CAPN13: variants seen among roughly 807,000 people sequenced by gnomAD.
CAPN13 encodes the protein calpain-13.
CAPN13 carries 90 observed loss-of-function variants against 98.4 expected under a neutral mutation model. The observed-to-expected ratio is 0.92, with a 90% CI of 0.77 to 1.09. The LOEUF (loss-of-function observed/expected upper bound fraction) is 1.09. Ranked by LOEUF, CAPN13 falls within the 50% of genes least tolerant of loss-of-function variation. CAPN13 has a pLI of 0.00. For missense variants in CAPN13, 887 were observed against 841.3 expected (o/e 1.05, Z -0.67); for synonymous variants, 330 against 305.5 (o/e 1.08, Z -0.84).
At chr2:30,742,165 C>T (rs954626848) in intron 14 of CAPN13, among the ~76,000 whole-genome samples, 161 bp downstream of exon 14, 21 of 152,334 alleles carry the variant, frequency 1.4e-4, no homozygotes, top group African/African-American at 5.1e-4. Flanking sequence ...GAGGCCTGGT[C>T]TTCTCCCCCT....
intron 1 of CAPN13, among the ~76,000 whole-genome samples, chr2:30,800,116 A>AGAAAG (rs1675124908): frequency 1.2e-5 from 1 of 85,596 alleles, no homozygotes; most frequent in Non-Finnish European, 2.3e-5. Context: ...GAAAAGAAAG[A>AGAAAG]AAAGAAAGAA....
At chr2:30,760,827 C>T (rs910835801) in intron 7 of CAPN13, among the ~76,000 whole-genome samples, 6 of 152,178 alleles carry the variant, frequency 3.9e-5, no homozygotes, top group Admixed American at 6.5e-5. Context: ...CATGGCTACA[C>T]CTGAGAATGG....
chr2:30,749,166 G>A lies in CAPN13; in HGVS notation c.1236+1937C>T, dbSNP rs191220572. The stretch of plus-strand genomic sequence containing the variant: ...CTTGTACTTCTGAAGTACAGGTTGA[G>A]CATCCTTAACCTGAATATCTGAAAT... On this transcript the variant is annotated intron_variant, in intron 11 of 22. Transcript: ENST00000295055. Among the ~76,000 whole-genome samples, 596 of 152,278 alleles carry A rather than the reference G, an allele frequency of 3.9e-3. 4 individuals are homozygous for A. Among genetic ancestry groups the A allele is most frequent in the African/African-American group, 0.014 (575 of 41,538 alleles).
intron 22 of CAPN13, among the ~76,000 whole-genome samples, chr2:30,728,606 T>C (rs958810619): frequency 9.2e-5 from 14 of 151,924 alleles, no homozygotes; most frequent in African/African-American, 2.7e-4. Flanking sequence ...GAGGGACAAG[T>C]TGTGGTTAGA....
chr2:30,746,972 A>G (rs1157975440), intron 11 of CAPN13, among the ~76,000 whole-genome samples: 1 of 152,212 alleles, frequency 6.6e-6, no homozygotes, highest in East Asian at 1.9e-4. Flanking sequence ...CCTGGCGCAA[A>G]TGTAAGCTCC....
intron 22 of CAPN13, 72 bp downstream of exon 22, chr2:30,730,658 T>C: frequency 1.3e-6 from 1 of 756,644 alleles, no homozygotes; most frequent in Non-Finnish European, 2.5e-6. Flanking sequence ...GAGAGTCTTA[T>C]GTGCAGTTCT....
chr2:30,775,879 G>A, intron 4 of CAPN13, 51 bp downstream of exon 4: 1 of 1,364,726 alleles, frequency 7.3e-7, no homozygotes, highest in Admixed American at 2.0e-5. Flanking sequence ...CACCTTCCCT[G>A]TACTCACAGA....
chr2:30,799,195 T>C lies in CAPN13; in HGVS notation c.-33+8107A>G, dbSNP rs575010017. Among the ~76,000 whole-genome samples, 29 of 145,506 alleles carry C rather than the reference T, an allele frequency of 2.0e-4. 1 individual carries two copies. The South Asian group carries it at 6.4e-3, about 32-fold the overall frequency. On this transcript the variant is annotated intron_variant, in intron 1 of 22. Transcript: ENST00000295055. Reference sequence around the variant, plus strand: ...AAAAGGAAGGAGGAGGAAGAGAGAGTGGGTGGGAGAGAGAGGGAAGAAGAC... The same window carrying C: ...AAAAGGAAGGAGGAGGAAGAGAGAGCGGGTGGGAGAGAGAGGGAAGAAGAC...
chr2:30,770,371 G>C lies in CAPN13; in HGVS notation c.466C>G (p.Arg156Gly). The change falls in exon 5 of 23, where the codon CGT becomes GGT. Residue 156 changes from arginine to glycine, a missense_variant. Physicochemically the swap from Arg to Gly is moderately radical, Grantham distance 125. Coordinates refer to ENST00000295055, the MANE Select transcript of CAPN13 (RefSeq NM_144575.3). ...AACTCTTGGTTTTGGTGGCGAGGAC[G>C]CACAAAGAGGCATTTATCTCCCTGG... Reference protein sequence around the residue: ...PVQGDKCLFVRPRHQNQEFWP... With the variant: ...PVQGDKCLFVGPRHQNQEFWP... 1 of 1,613,974 alleles carries C rather than the reference G, an allele frequency of 6.2e-7. No individual in the cohort carries two copies. Among genetic ancestry groups the C allele is most frequent in the Non-Finnish European group, 8.5e-7 (1 of 1,179,878 alleles).
intron 17 of CAPN13, among the ~76,000 whole-genome samples, chr2:30,736,989 C>A (rs1671399904): frequency 6.6e-6 from 1 of 152,120 alleles, no homozygotes; most frequent in African/African-American, 2.4e-5. Flanking sequence ...ATCTCGTGGG[C>A]ATGTTAAAGC....
In CAPN13 at chr2:30,777,630, CT is replaced by C. The variant is rs770346336; in HGVS notation, c.207del (p.Gly71ValfsTer10). The C allele has an allele frequency of 8.3e-6, 13 of 1,573,334 alleles. No individual in the cohort carries two copies. The highest frequency in any genetic ancestry group is 7.4e-5 in the Admixed American group (4 of 54,170). ...TCCAGGATGAAGTGAGGAGGACCCC[CT>C]GGTAGATCCTTTAGGAAAGAGGGAG... ...NVIWKRPQDL[P>X]GGPPHFILDD... On this transcript the variant is annotated frameshift_variant, in exon 3 of 23. Coordinates refer to ENST00000295055, the MANE Select transcript of CAPN13 (RefSeq NM_144575.3). LOFTEE classifies it high-confidence loss of function.
chr2:30,758,337 G>A (rs1348314496), intron 7 of CAPN13, among the ~76,000 whole-genome samples, 200 bp from the exon 8 acceptor site: 1 of 152,204 alleles, frequency 6.6e-6, no homozygotes, highest in Non-Finnish European at 1.5e-5. Context: ...GATAGACAAG[G>A]AAATGGCCCC....
chr2:30,785,393 A>G (rs990399113), intron 2 of CAPN13, among the ~76,000 whole-genome samples: 3 of 152,364 alleles, frequency 2.0e-5, no homozygotes, highest in African/African-American at 7.2e-5. Context: ...AGTCTTGTCA[A>G]CTGTGATAAG....
intron 5 of CAPN13, among the ~76,000 whole-genome samples, chr2:30,765,937 T>A (rs1337285330): frequency 1.3e-5 from 2 of 152,230 alleles, no homozygotes; most frequent in Non-Finnish European, 2.9e-5. Flanking sequence ...TAGATTTTTC[T>A]CTCTGGAGCA....
intron 3 of CAPN13, 71 bp downstream of exon 3, chr2:30,777,496 G>T: frequency 7.4e-7 from 1 of 1,349,870 alleles, no homozygotes; most frequent in Non-Finnish European, 1.0e-6. Context: ...AGTGGGGCAG[G>T]ACTCTGTGGG....
chr2:30,742,415 C>A, intron 13 of CAPN13, 56 bp from the exon 14 acceptor site: 2 of 1,571,428 alleles, frequency 1.3e-6, no homozygotes, highest in Non-Finnish European at 1.7e-6. Context: ...TCAAAGGGGG[C>A]CTGCATATAG....
chr2:30,741,601 G>A (rs902210282), intron 15 of CAPN13: 2 of 1,138,882 alleles, frequency 1.8e-6, no homozygotes, highest in East Asian at 5.3e-5. Context: ...GTTTCACGGG[G>A]TACTGCCAAT....
chr2:30,806,910 C>T (rs866762162), intron 1 of CAPN13, among the ~76,000 whole-genome samples: 2 of 152,300 alleles, frequency 1.3e-5, no homozygotes, highest in African/African-American at 2.4e-5. Flanking sequence ...TACTATCTAA[C>T]AGAAACTACA....
Position 30,738,213 on chromosome 2 carries a change from G to A in CAPN13, c.1653+22C>T, listed in dbSNP as rs200140851. 6 of 1,613,742 alleles carry A rather than the reference G, an allele frequency of 3.7e-6. No homozygotes were observed. The African/African-American group carries it at 8.0e-5, about 22-fold the overall frequency. ...GAGCTGAGGGGTGCTCAGAGCATGG[G>A]AGGGATGACCGCAAAGGATACTTCC... On this transcript the variant is annotated intron_variant, in intron 17 of 22. Coordinates refer to ENST00000295055, the MANE Select transcript of CAPN13 (RefSeq NM_144575.3).
Sources: allele counts gnomAD v4.1 joint callset (sites outside exome capture counted in the v4.1 genomes callset), GRCh38; gene constraint gnomAD v4.1.1; transcripts MANE v1.5; gene names NCBI Gene and HGNC (gene_info 2026-07-23, HGNC 2026-07-21).